RNF212B: variants seen among roughly 807,000 people sequenced by gnomAD.
RNF212B encodes the protein ring finger protein 212B, also known as E3 ubiquitin-protein ligase RNF212B.
A neutral mutation model predicts 55.5 loss-of-function variants in RNF212B; 52 were observed. That is an observed-to-expected ratio of 0.94 (90% CI 0.75 to 1.18). The LOEUF is 1.18. RNF212B is among the 50% of genes most tolerant of loss of function. The pLI, the probability that RNF212B is intolerant of heterozygous loss-of-function variation, is 0.00. For missense variants in RNF212B, 289 were observed against 350.4 expected, an observed-to-expected ratio of 0.82 and a Z score of 1.40; for synonymous variants, 99 against 121.4, an observed-to-expected ratio of 0.82 and a Z score of 1.21.
At position 23,203,484 on chromosome 14, in the gene RNF212B, T is replaced by C. The variant is rs1298270646; in HGVS notation, c.-2+10083T>C. On this transcript the variant is annotated intron_variant, in intron 2 of 15. Transcript: ENST00000399910. ...TGGTAGTTCTACTTTTAGTCCCCCT[T>C]TTTTTTTTTTTTGAGATGGAGCCTT... Among the ~76,000 whole-genome samples the C allele has an allele frequency of 1.4e-3, 78 of 56,892 alleles. No homozygotes were observed. The South Asian group carries it at 0.014, about 10-fold the overall frequency. 37.3% of individuals were successfully genotyped at this position (56,892 alleles called of 152,430 possible). A position where few individuals can be genotyped will look rare whatever the true frequency, so the allele number is the denominator to read the frequency against.
intron 4 of RNF212B, among the ~76,000 whole-genome samples, chr14:23,247,579 T>A (rs1234045749): frequency 6.6e-6 from 1 of 152,206 alleles, no homozygotes; most frequent in African/African-American, 2.4e-5. Flanking sequence ...TTGTAGCATC[T>A]CTGTTAGGAC....
At chr14:23,212,607 G>T (rs1212130278) in intron 2 of RNF212B, among the ~76,000 whole-genome samples, 1 of 151,008 alleles carries the variant, frequency 6.6e-6, no homozygotes, top group Non-Finnish European at 1.5e-5. Context: ...ACAGAGTCTC[G>T]CTCTGTCGCC....
At chr14:23,192,045 G>A (rs1243514183) in intron 1 of RNF212B, among the ~76,000 whole-genome samples, 1 of 151,910 alleles carries the variant, frequency 6.6e-6, no homozygotes, top group Non-Finnish European at 1.5e-5. Context: ...AACAGGTGCT[G>A]GAGAGGATGT....
rs562215485 is a variant in RNF212B, at chr14:23,232,883, C to T, written c.-1-7462C>T. On this transcript the variant is annotated intron_variant, in intron 2 of 15. Transcript: ENST00000399910. Reference sequence around the variant, plus strand: ...CTGGGAAGTGAGGAGCCCCTCTGCCCGGCCACCACCCCATCTGGGAGGTGT... The same window carrying T: ...CTGGGAAGTGAGGAGCCCCTCTGCCTGGCCACCACCCCATCTGGGAGGTGT... Among the ~76,000 whole-genome samples the T allele has an allele frequency of 4.8e-5, 6 of 126,018 alleles. No homozygotes were observed. In the South Asian group the frequency reaches 1.8e-3, roughly 37 times the overall value. The allele number at this position is 126,018 out of a possible 152,430, so 82.7% of individuals were successfully genotyped here.
chr14:23,236,904 T>G (rs993398239), upstream of RNF212B, among the ~76,000 whole-genome samples: 1 of 150,978 alleles, frequency 6.6e-6, no homozygotes, highest in South Asian at 2.1e-4. Context: ...TGTTGTTTCA[T>G]TGTTATCTAG....
chr14:23,251,642 C>T (rs111777843), intron 4 of RNF212B, among the ~76,000 whole-genome samples: 2,076 of 152,168 alleles, frequency 0.014, 57 homozygotes, highest in African/African-American at 0.047. Context: ...ATGGTGAAAC[C>T]CTGCCTCTAC....
At chr14:23,194,736 A>T (rs1878477676) in intron 2 of RNF212B, among the ~76,000 whole-genome samples, 1 of 80,154 alleles carries the variant, frequency 1.2e-5, no homozygotes, top group African/African-American at 1.5e-4. Context: ...CTCTGTCTCA[A>T]AAAAAAAAAA....
At chr14:23,247,011 G>A (rs562339664) in intron 4 of RNF212B, among the ~76,000 whole-genome samples, 8 of 152,100 alleles carry the variant, frequency 5.3e-5, no homozygotes, top group South Asian at 2.1e-4. Flanking sequence ...GTGGTGGCAC[G>A]TGCCTTTAAT....
chr14:23,260,794 A>C, intron 7 of RNF212B, 107 bp downstream of exon 7: 1 of 1,018,094 alleles, frequency 9.8e-7, no homozygotes, highest in Non-Finnish European at 1.5e-6. Context: ...TAATGAATTT[A>C]GCTTTCACTT....
intron 2 of RNF212B, among the ~76,000 whole-genome samples, chr14:23,224,717 C>A (rs763343265): frequency 6.6e-6 from 1 of 152,112 alleles, no homozygotes; most frequent in Non-Finnish European, 1.5e-5. Flanking sequence ...TGTAATACCC[C>A]ACAAGCTCAG....
intron 4 of RNF212B, 39 bp from the exon 5 acceptor site, chr14:23,258,510 T>A (rs1329451367): frequency 1.0e-6 from 1 of 974,728 alleles, no homozygotes; most frequent in Non-Finnish European, 1.5e-6. Flanking sequence ...GGAAAGGAGT[T>A]ATGGGAGAGT....
chr14:23,264,040 C>G (rs1028565582), intron 9 of RNF212B, 134 bp from the exon 10 acceptor site: 2 of 624,532 alleles, frequency 3.2e-6, no homozygotes, highest in African/African-American at 3.7e-5. Flanking sequence ...GTGAGCTAAG[C>G]TTGTGCCATT....
chr14:23,272,744 A>G (rs2140496473), intron 14 of RNF212B, 79 bp from the exon 15 acceptor site: 2 of 872,920 alleles, frequency 2.3e-6, no homozygotes, highest in Admixed American at 4.0e-5. Context: ...GATAAGCTTC[A>G]TACAACAGGT....
chr14:23,204,949 G>A (rs147376821), intron 2 of RNF212B, among the ~76,000 whole-genome samples: 11 of 152,160 alleles, frequency 7.2e-5, no homozygotes, highest in East Asian at 3.9e-4. Flanking sequence ...TTAAAAGCAC[G>A]TATAGAAAGA....
intron 4 of RNF212B, among the ~76,000 whole-genome samples, chr14:23,248,121 G>T (rs9919908): frequency 0.53 from 80,390 of 151,554 alleles, 22,201 homozygotes; most frequent in African/African-American, 0.7. Context: ...TTTTTATTTA[G>T]TTTTTTGAGA....
At chr14:23,252,288 G>T (rs1884473765) in intron 4 of RNF212B, among the ~76,000 whole-genome samples, 1 of 152,014 alleles carries the variant, frequency 6.6e-6, no homozygotes, top group South Asian at 2.1e-4. Context: ...AAAGGTTTTA[G>T]TAACTCTGTG....
At chr14:23,253,391 T>C (rs1181955035) in intron 4 of RNF212B, among the ~76,000 whole-genome samples, 7 of 152,180 alleles carry the variant, frequency 4.6e-5, no homozygotes, top group Non-Finnish European at 1.0e-4. Flanking sequence ...TTGAAGAAAA[T>C]GGTCTTTTGT....
intron 4 of RNF212B, among the ~76,000 whole-genome samples, chr14:23,254,042 G>A (rs72684374): frequency 0.17 from 25,704 of 152,080 alleles, 2,510 homozygotes; most frequent in South Asian, 0.25. Flanking sequence ...ACTTTGGGAG[G>A]CCGAAGTGGG....
intron 2 of RNF212B, among the ~76,000 whole-genome samples, chr14:23,225,312 C>T (rs965668550): frequency 2.6e-5 from 4 of 152,126 alleles, no homozygotes; most frequent in Non-Finnish European, 4.4e-5. Context: ...TGGGTATATA[C>T]CCAAAAGAAA....
Sources: gnomAD v4.1 joint callset for allele counts (sites outside exome capture counted in the v4.1 genomes callset) on GRCh38, gnomAD v4.1.1 for gene constraint, MANE v1.5 for transcripts, NCBI Gene and HGNC (gene_info 2026-07-23, HGNC 2026-07-21) for gene names.